Variants in TFCP2L1 observed in about 807,000 individuals in gnomAD.
TFCP2L1 encodes transcription factor CP2-like protein 1.
In TFCP2L1, 12 loss-of-function variants were observed where a neutral mutation model predicts 72.2. The ratio of observed to expected loss-of-function variants is 0.17; its 90% CI spans 0.11 to 0.27. The LOEUF is 0.27. Ranked by LOEUF, TFCP2L1 falls within the 10% of genes least tolerant of loss-of-function variation. The pLI, the probability that TFCP2L1 is intolerant of heterozygous loss-of-function variation, is 1.00. For synonymous variants in TFCP2L1, 260 were observed against 251.0 expected, an observed-to-expected ratio of 1.04 and a Z score of -0.34; for missense variants, 488 against 624.6, an observed-to-expected ratio of 0.78 and a Z score of 2.33.
chr2:121,259,725 T>G (rs1431080860), intron 2 of TFCP2L1, among the ~76,000 whole-genome samples: 3 of 152,226 alleles, frequency 2.0e-5, no homozygotes, highest in Admixed American at 2.0e-4. Flanking sequence ...ACTGCACTTT[T>G]GTTTTAAAAT....
chr2:121,263,198 A>G (rs1025667524), intron 2 of TFCP2L1, among the ~76,000 whole-genome samples: 1 of 152,072 alleles, frequency 6.6e-6, no homozygotes, highest in Non-Finnish European at 1.5e-5. Flanking sequence ...GGCCTCCCAA[A>G]GTGCTGGGAT....
At position 121,281,667 on chromosome 2, in the gene TFCP2L1, T is replaced by C. The variant is rs538524364; in HGVS notation, c.63-396A>G. On this transcript the variant is annotated intron_variant, in intron 1 of 14. Coordinates refer to ENST00000263707, the MANE Select transcript of TFCP2L1 (RefSeq NM_014553.3). ...AAGTTTCACTTTTAGAATAAAAATC[T>C]AAACAAACATTTTTATTTTTTAATC... is the stretch of plus-strand genomic sequence containing the variant. 4.6e-5 allele frequency among the ~76,000 whole-genome samples: 7 copies of C among 152,322 alleles called. No homozygotes were observed. In the South Asian group the frequency reaches 6.2e-4, roughly 14 times the overall value.
rs761097895 is a variant in TFCP2L1 at position 121,237,657 on chromosome 2, G to A, written c.969C>T (p.Phe323=). 2 of 1,614,214 alleles carry A rather than the reference G, an allele frequency of 1.2e-6. No individual in the cohort carries two copies. Among genetic ancestry groups the A allele is most frequent in the Non-Finnish European group, 8.5e-7 (1 of 1,180,050 alleles). The stretch of plus-strand genomic sequence containing the variant: ...TGGCAAAGAGCCGGCAGAACTGCGA[G>A]AACCTGTTGCGGTGAAGCCACTGCT... ...DAQQWLHRNR[F]SQFCRLFASF... is the part of the protein sequence containing the mutation. Residue 323 remains phenylalanine, a synonymous_variant, in exon 10 of 15, where the codon TTC becomes TTT. Transcript: ENST00000263707.
chr2:121,246,715 C>T, intron 6 of TFCP2L1, 103 bp downstream of exon 6: 2 of 1,468,614 alleles, frequency 1.4e-6, no homozygotes, highest in South Asian at 1.2e-5. Flanking sequence ...ATGCTGCGTT[C>T]CTCGCTGGGC....
At position 121,284,134 on chromosome 2, in the gene TFCP2L1, G is replaced by C. The variant is rs116212587; in HGVS notation, c.62+914C>G. On this transcript the variant is annotated intron_variant, in intron 1 of 14. Coordinates refer to ENST00000263707, the MANE Select transcript of TFCP2L1 (RefSeq NM_014553.3). ...AAACTAGCACTTAAAGGTAGCTCTA[G>C]TATGGGGGCTGTCAATGCCTGTGAC... Among the ~76,000 whole-genome samples the C allele has an allele frequency of 2.1e-3, 323 of 152,332 alleles. 4 individuals carry two copies. The highest frequency in any genetic ancestry group is 7.5e-3 in the African/African-American group (313 of 41,568).
At chr2:121,225,448 T>C (rs996789645) in intron 14 of TFCP2L1, 114 bp downstream of exon 14, 14 of 1,047,134 alleles carry the variant, frequency 1.3e-5, no homozygotes, top group Admixed American at 1.9e-5. Context: ...TTGTGCTTTC[T>C]TTTTCTCAAA....
chr2:121,248,918 G>A, intron 4 of TFCP2L1, 64 bp downstream of exon 4: 4 of 1,343,510 alleles, frequency 3.0e-6, no homozygotes, highest in Non-Finnish European at 3.0e-6. Flanking sequence ...TGGCATCCAG[G>A]AAGAACCCAA....
In TFCP2L1 at chr2:121,218,735, A is replaced by C. The variant is rs1179634666; in HGVS notation, c.*5606T>G. Reference sequence around the variant, plus strand: ...AAGGACACTGCCTCTAGAAGGCCCTAAAGTGGCAGAGCCGGGGATGGCAGG... The same window carrying C: ...AAGGACACTGCCTCTAGAAGGCCCTCAAGTGGCAGAGCCGGGGATGGCAGG... On this transcript the variant is annotated 3_prime_UTR_variant, in exon 15 of 15. Coordinates refer to ENST00000263707, the MANE Select transcript of TFCP2L1 (RefSeq NM_014553.3). 1 of 152,392 alleles carries C rather than the reference A, an allele frequency of 6.6e-6. No individual in the cohort carries two copies. The highest frequency in any genetic ancestry group is 1.5e-5 in the Non-Finnish European group (1 of 68,180). 9.4% of individuals were successfully genotyped at this position (152,392 alleles called of 1,614,324 possible).
chr2:121,285,086 G>C lies in TFCP2L1; in HGVS notation c.24C>G (p.Pro8=). Residue 8 remains proline (P), a synonymous_variant, in exon 1 of 15, where the codon CCC becomes CCG. Transcript: ENST00000263707. ...CGGAGTTGTGCTGGTTGTAGTGCTC[G>C]GGCTGCGTGTGCCAGAAGAGCATGG... The part of the protein sequence containing the change: MLFWHTQ[P]EHYNQHNSGS... The C allele has an allele frequency of 1.3e-6, 2 of 1,523,892 alleles. No individual in the cohort carries two copies. Among genetic ancestry groups the C allele is most frequent in the Non-Finnish European group, 8.8e-7 (1 of 1,138,036 alleles). The allele number at this position is 1,523,892 out of a possible 1,614,324, so 94.4% of individuals were successfully genotyped here. A position where few individuals can be genotyped will look rare whatever the true frequency, so the allele number is the denominator to read the frequency against.
At chr2:121,280,769 GA>G (rs557121688) in intron 2 of TFCP2L1, among the ~76,000 whole-genome samples, 315 of 23,872 alleles carry the variant, frequency 0.013, no homozygotes, top group Middle Eastern at 0.04. Context: ...CTCAAAAAAG[GA>G]AAAAAAAAAA....
intron 8 of TFCP2L1, among the ~76,000 whole-genome samples, chr2:121,239,352 G>A (rs887479950): frequency 5.3e-5 from 8 of 152,154 alleles, no homozygotes; most frequent in Admixed American, 5.2e-4. Flanking sequence ...GTAAGTTCTG[G>A]GCCGCTGTCC....
intron 11 of TFCP2L1, 109 bp downstream of exon 11, chr2:121,235,112 G>T: frequency 8.6e-7 from 1 of 1,167,130 alleles, no homozygotes; most frequent in Non-Finnish European, 1.3e-6. Flanking sequence ...CAGGAGTCCT[G>T]TCCCCCCAGC....
chr2:121,269,584 C>A (rs1465237694), intron 2 of TFCP2L1, among the ~76,000 whole-genome samples: 1 of 152,064 alleles, frequency 6.6e-6, no homozygotes, highest in African/African-American at 2.4e-5. Flanking sequence ...AACATAGAGA[C>A]CCTTTCTCTA....
intron 6 of TFCP2L1, among the ~76,000 whole-genome samples, chr2:121,244,858 A>T (rs191982839): frequency 1.3e-5 from 2 of 152,242 alleles, no homozygotes; most frequent in Admixed American, 1.3e-4. Context: ...TGAACCACAG[A>T]CTAGGAGAAG....
intron 7 of TFCP2L1, chr2:121,240,760 G>A (rs1686351215): frequency 9.1e-6 from 9 of 984,292 alleles, no homozygotes; most frequent in Non-Finnish European, 1.1e-5. Flanking sequence ...GCATGAACCA[G>A]GTACGGGAAG....
intron 5 of TFCP2L1, among the ~76,000 whole-genome samples, chr2:121,247,211 ACC>A (rs1179659285): frequency 6.6e-6 from 1 of 152,114 alleles, no homozygotes; most frequent in Non-Finnish European, 1.5e-5. Flanking sequence ...GCCCTGCCTG[ACC>A]AGCTAAGTCC....
chr2:121,270,017 C>T (rs954535554), intron 2 of TFCP2L1, among the ~76,000 whole-genome samples: 2 of 150,642 alleles, frequency 1.3e-5, no homozygotes, highest in Non-Finnish European at 3.0e-5. Context: ...TTATAATATC[C>T]CAAATATACA....
intron 2 of TFCP2L1, among the ~76,000 whole-genome samples, chr2:121,267,430 G>A (rs1172193153): frequency 6.6e-6 from 1 of 152,052 alleles, no homozygotes; most frequent in African/African-American, 2.4e-5. Context: ...TTAATTAACT[G>A]GCCCATTACT....
Position 121,234,128 on chromosome 2 carries a change from C to T in TFCP2L1, c.1161G>A (p.Gln387=), listed in dbSNP as rs752033668. 2 of 1,614,074 alleles carry T rather than the reference C, an allele frequency of 1.2e-6. No homozygotes were observed. Among genetic ancestry groups the T allele is most frequent in the East Asian group, 4.5e-5 (2 of 44,886 alleles). The change falls in exon 12 of 15, where the codon CAG becomes CAA. Residue 387 remains glutamine, a synonymous_variant. Coordinates refer to ENST00000263707, the MANE Select transcript of TFCP2L1 (RefSeq NM_014553.3). ...TGTCTCCACTGCCGTCCCGCTTCTGCTGCAGGGGCACTCGATTCTGCTCCA... is the reference window on the plus strand; with the variant it reads ...TGTCTCCACTGCCGTCCCGCTTCTGTTGCAGGGGCACTCGATTCTGCTCCA... The part of the protein sequence containing the change: ...QELEQNRVPL[Q]QKRDGSGDSN...
Sources: allele counts gnomAD v4.1 joint callset (sites outside exome capture counted in the v4.1 genomes callset), GRCh38; gene constraint gnomAD v4.1.1; transcripts MANE v1.5; gene names NCBI Gene and HGNC (gene_info 2026-07-23, HGNC 2026-07-21).